The following CDH4 variants were observed in gnomAD, a reference collection of about 807,000 sequenced individuals.
CDH4 encodes cadherin-4.
In CDH4, 33 loss-of-function variants were observed where a neutral mutation model predicts 86.0. The ratio of observed to expected loss-of-function variants is 0.38; its 90% confidence interval spans 0.29 to 0.51. CDH4 has a LOEUF of 0.51. Among genes scored for constraint, CDH4 ranks in the 20% least tolerant of loss-of-function variants. The probability of loss-of-function intolerance (pLI) is 0.86; values close to 1 mark genes in which losing one functional copy is unlikely to be tolerated. For synonymous variants in CDH4, 555 were observed against 549.4 expected (o/e 1.01, Z -0.14); for missense variants, 1,114 against 1,307.4 (o/e 0.85, Z 2.28).
At chr20:61,337,239 G>A (rs996401434) in intron 2 of CDH4, among the ~76,000 whole-genome samples, 1 of 23,410 alleles carries the variant, frequency 4.3e-5, no homozygotes, top group African/African-American at 1.5e-4. Context: ...TTAGGCAATG[G>A]TGGTGGTGAA....
intron 2 of CDH4, among the ~76,000 whole-genome samples, chr20:61,602,787 C>T (rs1253952417): frequency 1.3e-5 from 2 of 148,300 alleles, no homozygotes; most frequent in East Asian, 2.0e-4. Flanking sequence ...GAAATGATTT[C>T]GGAATTGTGC....
intron 3 of CDH4, among the ~76,000 whole-genome samples, chr20:61,765,350 C>T (rs1027538850): frequency 3.3e-5 from 5 of 152,174 alleles, no homozygotes; most frequent in African/African-American, 9.7e-5. Context: ...GCAGAATCTC[C>T]CCACCCCTGG....
intron 4 of CDH4, among the ~76,000 whole-genome samples, chr20:61,826,182 G>T (rs1981303098): frequency 6.6e-6 from 1 of 152,214 alleles, no homozygotes; most frequent in South Asian, 2.1e-4. Context: ...TCTCGTGGGG[G>T]TGGAAGTCAG....
chr20:61,554,795 CGTGCACATGT>C (rs1435906323), intron 2 of CDH4, among the ~76,000 whole-genome samples: 2 of 152,156 alleles, frequency 1.3e-5, no homozygotes, highest in Non-Finnish European at 2.9e-5. Flanking sequence ...TGTTTTCACA[CGTGCACATGT>C]ATGCACATGC....
At chr20:61,287,227 C>G (rs1373735692) in intron 2 of CDH4, among the ~76,000 whole-genome samples, 1 of 152,154 alleles carries the variant, frequency 6.6e-6, no homozygotes, top group African/African-American at 2.4e-5. Context: ...AGTCTACTCT[C>G]AGTGCACACT....
At chr20:61,386,521 G>C (rs1456265463) in intron 2 of CDH4, among the ~76,000 whole-genome samples, 1 of 152,218 alleles carries the variant, frequency 6.6e-6, no homozygotes, top group African/African-American at 2.4e-5. Flanking sequence ...CTGGTGGAAT[G>C]ATGCGGGGGG....
rs2084878980 is a variant in CDH4 at position 61,377,530 on chromosome 20, C to G, written c.169+122593C>G. ...AAAGAGGAGGCTGTGGTTACGGTGA[C>G]CTTCAAATGTCCTTGTTAAATGAAA... On this transcript the variant is annotated intron_variant, in intron 2 of 15. Transcript: ENST00000614565. The surrounding 1 kb of genome is among the most constrained non-coding windows in gnomAD (Gnocchi z 4.0). Among the ~76,000 whole-genome samples the G allele has an allele frequency of 6.6e-6, 1 of 152,208 alleles. No individual in the cohort carries two copies. Among genetic ancestry groups the G allele is most frequent in the Admixed American group, 6.5e-5 (1 of 15,274 alleles).
chr20:61,686,365 G>A (rs561741786), intron 2 of CDH4, among the ~76,000 whole-genome samples: 53 of 152,298 alleles, frequency 3.5e-4, no homozygotes, highest in Admixed American at 1.0e-3. Flanking sequence ...ATGTGCGTGT[G>A]CATTCGCATG....
chr20:61,405,020 A>G (rs1175123909), intron 2 of CDH4, among the ~76,000 whole-genome samples: 1 of 152,232 alleles, frequency 6.6e-6, no homozygotes, highest in Non-Finnish European at 1.5e-5. Context: ...CCCGCACTCC[A>G]GCCTGAGTAC....
In CDH4 at chr20:61,269,918, G is replaced by A. The variant is rs1234005370; in HGVS notation, c.169+14981G>A. Reference sequence around the variant, plus strand: ...GTTGACGATGACCTTAAGCTCCCCTGACCAATCTCCTCCAGAATCTGGCCC... The same window carrying A: ...GTTGACGATGACCTTAAGCTCCCCTAACCAATCTCCTCCAGAATCTGGCCC... On this transcript the variant is annotated intron_variant, in intron 2 of 15. Coordinates refer to ENST00000614565, the MANE Select transcript of CDH4 (RefSeq NM_001794.5). This position sits in a 1 kb window ranked among gnomAD's most constrained non-coding sequence, Gnocchi z 5.3. 6.6e-6 allele frequency among the ~76,000 whole-genome samples: 1 copy of A among 152,174 alleles called. No individual in the cohort carries two copies. Among genetic ancestry groups the A allele is most frequent in the African/African-American group, 2.4e-5 (1 of 41,438 alleles).
At chr20:61,686,340 C>T (rs558535481) in intron 2 of CDH4, among the ~76,000 whole-genome samples, 15 of 152,194 alleles carry the variant, frequency 9.9e-5, no homozygotes, top group South Asian at 4.1e-4. Context: ...CCCAACTGTG[C>T]GTGTATATGT....
chr20:61,922,613 G>A (rs753211506), intron 9 of CDH4, among the ~76,000 whole-genome samples: 9 of 152,180 alleles, frequency 5.9e-5, no homozygotes, highest in Non-Finnish European at 1.3e-4. Flanking sequence ...CGGCAGGAAC[G>A]GTCTCGCTTA....
intron 7 of CDH4, among the ~76,000 whole-genome samples, 161 bp from the exon 8 acceptor site, chr20:61,894,749 G>A (rs944085893): frequency 6.6e-6 from 1 of 152,212 alleles, no homozygotes; most frequent in Admixed American, 6.5e-5. Context: ...GTGTCAACCA[G>A]GAGGCTTGGA....
At position 61,937,218 on chromosome 20, in the gene CDH4, T is replaced by TAAAAAAAAAA. The variant is rs11476350; in HGVS notation, c.*285_*294dup. On this transcript the variant is annotated 3_prime_UTR_variant, in exon 16 of 16. Coordinates refer to ENST00000614565, the MANE Select transcript of CDH4 (RefSeq NM_001794.5). ...TTTCCTAGAACAGAAGCACTGTTTT[T>TAAAAAAAAAA]AAAAAAAAAAAAAAAAAAAGAAGAA... 9.7e-6 allele frequency: 1 copy of TAAAAAAAAAA among 103,154 alleles called. No individual in the cohort carries two copies. Among genetic ancestry groups the TAAAAAAAAAA allele is most frequent in the Non-Finnish European group, 1.7e-5 (1 of 57,590 alleles). The allele number at this position is 103,154 out of a possible 1,614,324, so 6.4% of individuals were successfully genotyped here.
rs145186211 is a variant in CDH4, at chr20:61,517,659, C to T, written c.170-225904C>T. Among the ~76,000 whole-genome samples the T allele has an allele frequency of 5.3e-5, 8 of 151,764 alleles. No homozygotes were observed. In the East Asian group the frequency reaches 5.8e-4, roughly 11 times the overall value. Reference sequence around the variant, plus strand: ...AAAGTGAGGAGAATGACGGCAGCGCCGCTGTAGGACCATGGAGGGAATGAA... The same window carrying T: ...AAAGTGAGGAGAATGACGGCAGCGCTGCTGTAGGACCATGGAGGGAATGAA... On this transcript the variant is annotated intron_variant, in intron 2 of 15. Transcript: ENST00000614565. The surrounding 1 kb of genome is among the most constrained non-coding windows in gnomAD (Gnocchi z 6.6).
intron 2 of CDH4, among the ~76,000 whole-genome samples, chr20:61,382,393 A>G (rs2084907888): frequency 1.3e-5 from 2 of 152,214 alleles, no homozygotes; most frequent in Non-Finnish European, 2.9e-5. Flanking sequence ...TGAAACACAC[A>G]TGGTGAACAT....
intron 2 of CDH4, among the ~76,000 whole-genome samples, chr20:61,522,298 G>C (rs922487736): frequency 2.7e-5 from 4 of 150,514 alleles, no homozygotes; most frequent in African/African-American, 4.8e-5. Context: ...CCAGTGGAGC[G>C]GGTGGGGAGG....
intron 2 of CDH4, among the ~76,000 whole-genome samples, chr20:61,527,762 G>A (rs919769665): frequency 1.6e-4 from 24 of 152,062 alleles, no homozygotes; most frequent in Non-Finnish European, 3.2e-4. Context: ...GACGTCTCGT[G>A]GTTCTGGTTT....
intron 2 of CDH4, among the ~76,000 whole-genome samples, chr20:61,356,030 A>T (rs2084748089): frequency 6.6e-6 from 1 of 152,304 alleles, no homozygotes; most frequent in African/African-American, 2.4e-5. Context: ...CCAGAAGTCA[A>T]ATTTTCTTTT....
Sources: allele counts gnomAD v4.1 joint callset (sites outside exome capture counted in the v4.1 genomes callset), GRCh38; gene constraint gnomAD v4.1.1; non-coding constraint Gnocchi (gnomAD v3.1); transcripts MANE v1.5; gene names NCBI Gene and HGNC (gene_info 2026-07-23, HGNC 2026-07-21).